The following GOLGA7 variants were observed in gnomAD, a reference collection of about 807,000 sequenced individuals.
GOLGA7 encodes the protein golgin subfamily A member 7.
GOLGA7 carries 10 observed loss-of-function variants against 21.1 expected under a neutral mutation model. The observed-to-expected ratio is 0.47, with a 90% CI of 0.29 to 0.80. The LOEUF is 0.80. GOLGA7 is among the 30% of genes least tolerant of loss of function. GOLGA7 has a pLI of 0.08. For synonymous variants in GOLGA7, 64 were observed against 62.6 expected, an observed-to-expected ratio of 1.02 and a Z score of -0.10; for missense variants, 114 against 166.8, an observed-to-expected ratio of 0.68 and a Z score of 1.74.
At chr8:41,500,216 T>C (rs1165393368) in intron 2 of GOLGA7, among the ~76,000 whole-genome samples, 1 of 152,330 alleles carries the variant, frequency 6.6e-6, no homozygotes, top group East Asian at 1.9e-4. Flanking sequence ...TTACACATTA[T>C]GATAAGTGCC....
At chr8:41,500,958 T>C (rs569146033) in intron 2 of GOLGA7, among the ~76,000 whole-genome samples, 20 of 152,334 alleles carry the variant, frequency 1.3e-4, no homozygotes, top group Non-Finnish European at 2.5e-4. Flanking sequence ...GTAGAAACTT[T>C]ATCATCTGGA....
chr8:41,499,800 T>C lies in GOLGA7; in HGVS notation c.264+2139T>C, dbSNP rs1276170249. Among the ~76,000 whole-genome samples, 4 of 152,326 alleles carry C rather than the reference T, an allele frequency of 2.6e-5. No homozygotes were observed. The East Asian group carries it at 7.7e-4, about 29-fold the overall frequency. ...ATTTGGGCAGGAAAACAAAAATGTC[T>C]GTCTTCACTACTGGGCACAGGCCTG... is the stretch of plus-strand genomic sequence containing the variant. On this transcript the variant is annotated intron_variant, in intron 2 of 4. Coordinates refer to ENST00000357743, the MANE Select transcript of GOLGA7 (RefSeq NM_001002296.2).
intron 2 of GOLGA7, among the ~76,000 whole-genome samples, chr8:41,504,304 G>T (rs974547614): frequency 6.6e-6 from 1 of 152,132 alleles, no homozygotes; most frequent in Non-Finnish European, 1.5e-5. Context: ...TTTTCTGAGT[G>T]TCTTCCCTAG....
chr8:41,500,772 G>C (rs754381222), intron 2 of GOLGA7, among the ~76,000 whole-genome samples: 1 of 152,130 alleles, frequency 6.6e-6, no homozygotes, highest in Non-Finnish European at 1.5e-5. Context: ...GTGGAAAAAA[G>C]GCATAAGAAT....
intron 2 of GOLGA7, among the ~76,000 whole-genome samples, chr8:41,504,992 A>G (rs530170899): frequency 6.6e-6 from 1 of 152,342 alleles, no homozygotes; most frequent in Non-Finnish European, 1.5e-5. Context: ...ATAGTAATTT[A>G]AAGAACTGGA....
intron 2 of GOLGA7, among the ~76,000 whole-genome samples, chr8:41,504,271 T>C: frequency 6.6e-6 from 1 of 152,220 alleles, no homozygotes; most frequent in East Asian, 1.9e-4. Context: ...GAATCCTTTC[T>C]TTGAAACCAG....
intron 1 of GOLGA7, among the ~76,000 whole-genome samples, chr8:41,493,007 A>T (rs1192268322): frequency 2.6e-5 from 4 of 152,182 alleles, no homozygotes; most frequent in African/African-American, 4.8e-5. Context: ...TAAATTCTGG[A>T]GTCCTTTTAC....
chr8:41,500,359 GC>G, intron 2 of GOLGA7, among the ~76,000 whole-genome samples: 1 of 152,248 alleles, frequency 6.6e-6, no homozygotes, highest in African/African-American at 2.4e-5. Flanking sequence ...GGGCATTAAG[GC>G]AGAAAGATGA....
At chr8:41,504,935 C>T (rs1341575371) in intron 2 of GOLGA7, among the ~76,000 whole-genome samples, 1 of 152,070 alleles carries the variant, frequency 6.6e-6, no homozygotes, top group African/African-American at 2.4e-5. Context: ...GTTGTGATCA[C>T]ATTTGTGACT....
chr8:41,500,712 G>T (rs1307039468), intron 2 of GOLGA7, among the ~76,000 whole-genome samples: 2 of 152,208 alleles, frequency 1.3e-5, no homozygotes, highest in African/African-American at 4.8e-5. Flanking sequence ...TTAAAGGCCT[G>T]AGCCGCTGCG....
At position 41,506,535 on chromosome 8, in the gene GOLGA7, A is replaced by G. The variant is rs143061052; in HGVS notation, c.366+523A>G. On this transcript the variant is annotated intron_variant, in intron 3 of 4. Coordinates refer to ENST00000357743, the MANE Select transcript of GOLGA7 (RefSeq NM_001002296.2). Reference sequence around the variant, plus strand: ...AGTGAATTTGGTAAATAAAATTGCAAAAAACTAATTTAGCTTGATAACTGG... The same window carrying G: ...AGTGAATTTGGTAAATAAAATTGCAGAAAACTAATTTAGCTTGATAACTGG... Among the ~76,000 whole-genome samples the G allele has an allele frequency of 3.7e-3, 564 of 152,296 alleles. 4 individuals carry two copies. Among genetic ancestry groups the G allele is most frequent in the African/African-American group, 0.012 (499 of 41,574 alleles).
intron 1 of GOLGA7, 100 bp downstream of exon 1, chr8:41,491,065 G>A: frequency 1.4e-6 from 1 of 723,930 alleles, no homozygotes; most frequent in Non-Finnish European, 2.5e-6. Context: ...GGGTCCCGCA[G>A]TTCTGGGGAG....
intron 1 of GOLGA7, among the ~76,000 whole-genome samples, chr8:41,491,263 C>G (rs1263522730): frequency 1.3e-5 from 2 of 152,304 alleles, no homozygotes; most frequent in East Asian, 3.9e-4. Flanking sequence ...AATCCCCACC[C>G]CGGGTTATTG....
At chr8:41,492,289 T>C (rs754563141) in intron 1 of GOLGA7, among the ~76,000 whole-genome samples, 2 of 152,230 alleles carry the variant, frequency 1.3e-5, no homozygotes, top group Non-Finnish European at 2.9e-5. Flanking sequence ...ATTCAGCAAG[T>C]GGCCAGTTGG....
In GOLGA7 at chr8:41,506,010, G is replaced by A. The variant is rs1462146665; in HGVS notation, c.364G>A (p.Val122Ile). The A allele has an allele frequency of 5.4e-6, 8 of 1,481,120 alleles. No homozygotes were observed. Among genetic ancestry groups the A allele is most frequent in the Non-Finnish European group, 7.5e-6 (8 of 1,067,190 alleles). The allele number at this position is 1,481,120 out of a possible 1,614,324, so 91.7% of individuals were successfully genotyped here. The change falls in exon 3 of 5, where the codon GTT (valine) becomes ATT (isoleucine). Residue 122 changes from valine to isoleucine, a missense_variant and splice_region_variant. By Grantham distance (29) the Val-to-Ile change is conservative (BLOSUM62 3). Transcript: ENST00000357743. The stretch of plus-strand genomic sequence containing the variant: ...AGACCCTATTGAGCGAGGACTGCGA[G>A]TTGTATCTTTTTAGTTCGGATCAGA... Reference protein sequence around the residue: ...LTDPIERGLRVIEITIYEDRG... With the variant: ...LTDPIERGLRIIEITIYEDRG...
chr8:41,498,785 C>T (rs1287431833), intron 2 of GOLGA7, among the ~76,000 whole-genome samples: 1 of 152,198 alleles, frequency 6.6e-6, no homozygotes, highest in African/African-American at 2.4e-5. Flanking sequence ...CATTTTGTAT[C>T]CCTCTTCATG....
In GOLGA7 at chr8:41,505,913, T is replaced by A. The variant is rs1806275720; in HGVS notation, c.267T>A (p.Val89=). The change falls in exon 3 of 5, where the codon GTT becomes GTA. Residue 89 remains valine, a splice_region_variant and synonymous_variant. Transcript: ENST00000357743. ...FLCMETHYEK[V]LKKVSKYIQE... Reference sequence around the variant, plus strand: ...GCTGTGGTGTTTCTTTCTGTCAGGTTCTGAAGAAAGTCTCCAAATACATTC... The same window carrying A: ...GCTGTGGTGTTTCTTTCTGTCAGGTACTGAAGAAAGTCTCCAAATACATTC... 1 of 1,539,498 alleles carries A rather than the reference T, an allele frequency of 6.5e-7. No individual in the cohort carries two copies. The highest frequency in any genetic ancestry group is 1.7e-5 in the Admixed American group (1 of 57,614).
chr8:41,496,242 A>G (rs1182003781), intron 1 of GOLGA7, among the ~76,000 whole-genome samples: 3 of 152,094 alleles, frequency 2.0e-5, no homozygotes, highest in Non-Finnish European at 4.4e-5. Context: ...GAAAAGATAC[A>G]TGGCAGCTGA....
chr8:41,504,707 CA>C (rs920100812), intron 2 of GOLGA7, among the ~76,000 whole-genome samples: 27 of 152,092 alleles, frequency 1.8e-4, no homozygotes, highest in African/African-American at 6.0e-4. Flanking sequence ...TTTTTATCCC[CA>C]AAAAATATTT....
Sources: gnomAD v4.1 joint callset for allele counts (sites outside exome capture counted in the v4.1 genomes callset) on GRCh38, gnomAD v4.1.1 for gene constraint, MANE v1.5 for transcripts, NCBI Gene and HGNC (gene_info 2026-07-23, HGNC 2026-07-21) for gene names.